The following DEAF1 variants were observed in gnomAD, a reference collection of about 807,000 sequenced individuals.
DEAF1 encodes deformed epidermal autoregulatory factor 1 homolog.
In DEAF1, 53 loss-of-function variants were observed where a neutral mutation model predicts 58.9. The observed-to-expected ratio is 0.90, with a 90% CI of 0.72 to 1.13. The LOEUF is 1.13. DEAF1 is among the 50% of genes most tolerant of loss of function. The pLI is 0.00. For synonymous variants in DEAF1, 385 were observed against 340.4 expected (o/e 1.13, Z -1.44); for missense variants, 685 against 791.4 (o/e 0.87, Z 1.61).
intron 10 of DEAF1, among the ~76,000 whole-genome samples, chr11:663,434 T>G (rs141767358): frequency 4.6e-5 from 7 of 152,012 alleles, no homozygotes; most frequent in Non-Finnish European, 1.0e-4. Flanking sequence ...GGTGACAGAG[T>G]GAGACTCAAC....
At chr11:661,606 A>C (rs1379331167) in intron 10 of DEAF1, among the ~76,000 whole-genome samples, 1 of 152,112 alleles carries the variant, frequency 6.6e-6, no homozygotes, top group East Asian at 1.9e-4. Flanking sequence ...GCTACTCGGG[A>C]GGCTGAGGCA....
At chr11:686,722 CCA>C (rs1860608832) in intron 5 of DEAF1, 134 bp downstream of exon 5, 1 of 1,183,962 alleles carries the variant, frequency 8.4e-7, no homozygotes, top group Admixed American at 1.9e-5. Flanking sequence ...TCGCCCAAGG[CCA>C]CACAGACAGC....
chr11:691,377 T>TC, intron 2 of DEAF1, 124 bp downstream of exon 2: 1 of 879,952 alleles, frequency 1.1e-6, no homozygotes, highest in Non-Finnish European at 1.8e-6. Context: ...AGCCAGTGCG[T>TC]CCCTCCCCAG....
chr11:670,926 CTAA>C (rs1290878351), intron 10 of DEAF1, among the ~76,000 whole-genome samples: 7 of 43,930 alleles, frequency 1.6e-4, no homozygotes, highest in African/African-American at 5.4e-4. Context: ...CCACACCTGG[CTAA>C]TGTTTTTTTT....
At chr11:684,824 C>T (rs1860520180) in intron 6 of DEAF1, 74 bp downstream of exon 6, 1 of 1,314,570 alleles carries the variant, frequency 7.6e-7, no homozygotes, top group Non-Finnish European at 1.1e-6. Context: ...GCCGAGAGGC[C>T]AAGGGCTGTG....
chr11:658,496 A>G (rs1443932520), intron 10 of DEAF1, among the ~76,000 whole-genome samples: 2 of 152,264 alleles, frequency 1.3e-5, no homozygotes, highest in African/African-American at 2.4e-5. Context: ...AGGTTAGGAC[A>G]AGACACCGCG....
intron 10 of DEAF1, among the ~76,000 whole-genome samples, chr11:656,969 C>T (rs559451501): frequency 1.1e-4 from 16 of 152,202 alleles, no homozygotes; most frequent in Admixed American, 4.6e-4. Flanking sequence ...ATGTTCTCTT[C>T]ACAGATACAG....
chr11:656,704 C>G (rs1329004676), intron 10 of DEAF1, among the ~76,000 whole-genome samples: 1 of 151,994 alleles, frequency 6.6e-6, no homozygotes, highest in Non-Finnish European at 1.5e-5. Context: ...TCCCTGTGCA[C>G]CACACACCAG....
chr11:669,242 A>G (rs1859698619), intron 10 of DEAF1, among the ~76,000 whole-genome samples: 1 of 150,388 alleles, frequency 6.6e-6, no homozygotes, highest in Non-Finnish European at 1.5e-5. Context: ...GTGAGTCACC[A>G]TGCCTGGCCG....
rs77003950 is a variant in DEAF1 at position 691,723 on chromosome 11, T to G, written c.290-125A>C. On this transcript the variant is annotated intron_variant, in intron 1 of 11. Coordinates refer to ENST00000382409, the MANE Select transcript of DEAF1 (RefSeq NM_021008.4). ...GTGTGTGCCCTTGTAACCAGGAAGA[T>G]CTTAACACTTCCATGAACACGCTCG... 1,689 of 762,300 alleles carry G rather than the reference T, an allele frequency of 2.2e-3. 33 individuals carry two copies. The East Asian group carries it at 0.042, about 19-fold the overall frequency. The allele number at this position is 762,300 out of a possible 1,614,324, so 47.2% of individuals were successfully genotyped here. A position where few individuals can be genotyped will look rare whatever the true frequency, so the allele number is the denominator to read the frequency against.
chr11:684,929 G>T lies in DEAF1; in HGVS notation c.839C>A (p.Thr280Asn). The T allele has an allele frequency of 6.4e-7, 1 of 1,551,634 alleles. No individual in the cohort carries two copies. Among genetic ancestry groups the T allele is most frequent in the Non-Finnish European group, 8.7e-7 (1 of 1,147,000 alleles). Residue 280 changes from threonine to asparagine, a missense_variant, in exon 6 of 12, where the codon ACC becomes AAC. Physicochemically the swap from Thr to Asn is moderately conservative, Grantham distance 65. Transcript: ENST00000382409. ...GILNPHAASC[T>N]CAACCDDMTL... is the part of the protein sequence containing the mutation. ...CATGTCGTCGCAGCAGGCAGCACAG[G>T]TGCAAGAGGCAGCGTGAGGGTTTAA...
chr11:644,598 T>C lies in DEAF1; in HGVS notation c.1650A>G (p.Ala550=). ...CGCTTTCAGCCACGTGGACTTCGTC[T>C]GCCTGGACGGTGACAGCTGCTGACT... is the stretch of plus-strand genomic sequence containing the variant. ...CGQSAAVTVQ[A]DEVHVAESVM... The change falls in exon 12 of 12, where the codon GCA becomes GCG. Residue 550 remains alanine (A), a synonymous_variant. Coordinates refer to ENST00000382409, the MANE Select transcript of DEAF1 (RefSeq NM_021008.4). This position sits in a 1 kb window ranked among gnomAD's most constrained non-coding sequence, Gnocchi z 4.3. The C allele has an allele frequency of 1.2e-6, 2 of 1,613,254 alleles. No homozygotes were observed. Among genetic ancestry groups the C allele is most frequent in the Non-Finnish European group, 1.7e-6 (2 of 1,179,976 alleles).
chr11:689,210 T>C (rs1324564463), intron 2 of DEAF1, among the ~76,000 whole-genome samples: 14 of 143,898 alleles, frequency 9.7e-5, no homozygotes, highest in African/African-American at 3.3e-4. Context: ...TTCTTTTTTT[T>C]TTTTTTTTTT....
At chr11:672,781 G>A (rs954902435) in intron 10 of DEAF1, among the ~76,000 whole-genome samples, 2 of 152,048 alleles carry the variant, frequency 1.3e-5, no homozygotes, top group African/African-American at 4.8e-5. Flanking sequence ...CCGGGAGGAG[G>A]AAGCTGCAGT....
chr11:681,245 C>CT (rs1383922426), intron 6 of DEAF1, among the ~76,000 whole-genome samples, 156 bp from the exon 7 acceptor site: 4 of 152,064 alleles, frequency 2.6e-5, no homozygotes, highest in African/African-American at 9.7e-5. Context: ...ACCTCTTTTT[C>CT]TTTTTTGAGA....
intron 1 of DEAF1, chr11:700,573 G>T: frequency 6.8e-7 from 1 of 1,478,288 alleles, no homozygotes; most frequent in Non-Finnish European, 9.5e-7. Flanking sequence ...TGCTGCTGCT[G>T]TGCCAGGTTA....
intron 10 of DEAF1, among the ~76,000 whole-genome samples, chr11:669,418 C>A (rs917291689): frequency 6.6e-6 from 1 of 152,138 alleles, no homozygotes; most frequent in African/African-American, 2.4e-5. Context: ...GGGCAGATCA[C>A]CTGAGGTCAG....
chr11:666,561 CA>C (rs1859533444), intron 10 of DEAF1: 1 of 152,088 alleles, frequency 6.6e-6, no homozygotes, highest in African/African-American at 2.4e-5. Flanking sequence ...GAAAATTAGC[CA>C]GGAGTGGTGG....
intron 10 of DEAF1, among the ~76,000 whole-genome samples, chr11:657,904 G>T (rs1219543849): frequency 6.6e-6 from 1 of 152,298 alleles, no homozygotes; most frequent in Non-Finnish European, 1.5e-5. Context: ...GTCTCCCACA[G>T]GTGGCAGCGG....
Sources: gnomAD v4.1 joint callset for allele counts (sites outside exome capture counted in the v4.1 genomes callset) on GRCh38, gnomAD v4.1.1 for gene constraint, Gnocchi (gnomAD v3.1) non-coding constraint, MANE v1.5 for transcripts, NCBI Gene and HGNC (gene_info 2026-07-23, HGNC 2026-07-21) for gene names.